Variants in MYBPC2 observed in about 807,000 individuals in gnomAD.
MYBPC2 encodes myosin-binding protein C, fast-type.
A neutral mutation model predicts 137.0 loss-of-function variants in MYBPC2; 122 were observed. That is an observed-to-expected ratio of 0.89 (90% CI 0.77 to 1.03). MYBPC2 has a LOEUF of 1.03. MYBPC2 is among the 50% of genes least tolerant of loss of function. The pLI is 0.00. For missense variants in MYBPC2, 1,500 were observed against 1,534.4 expected (o/e 0.98, Z 0.37); for synonymous variants, 626 against 612.3 (o/e 1.02, Z -0.33).
At chr19:50,458,374 TAAA>T (rs760945453) in intron 20 of MYBPC2, among the ~76,000 whole-genome samples, 2 of 143,972 alleles carry the variant, frequency 1.4e-5, no homozygotes, top group African/African-American at 5.1e-5. Flanking sequence ...AGACTCCGTT[TAAA>T]AAAAAAAAAA....
At chr19:50,458,818 G>A in intron 21 of MYBPC2, 64 bp downstream of exon 21, 1 of 1,599,310 alleles carries the variant, frequency 6.3e-7, no homozygotes, top group Non-Finnish European at 8.5e-7. Context: ...TGCCCTTTCC[G>A]TGTCGTCGAC....
chr19:50,435,637 A>G lies in MYBPC2; in HGVS notation c.110-139A>G. Reference sequence around the variant, plus strand: ...ACAGGTGGCCTTTCCCAGGTCAGGAAAAGCCATTTAACCCCCATGATGTTT... The same window carrying G: ...ACAGGTGGCCTTTCCCAGGTCAGGAGAAGCCATTTAACCCCCATGATGTTT... On this transcript the variant is annotated intron_variant, in intron 2 of 27. Coordinates refer to ENST00000357701, the MANE Select transcript of MYBPC2 (RefSeq NM_004533.4). This position sits in a 1 kb window ranked among gnomAD's most constrained non-coding sequence, Gnocchi z 4.8. The G allele has an allele frequency of 1.3e-6, 1 of 743,164 alleles. No individual in the cohort carries two copies. The allele number at this position is 743,164 out of a possible 1,614,324, so 46.0% of individuals were successfully genotyped here.
chr19:50,446,034 G>T lies in MYBPC2; in HGVS notation c.1288G>T (p.Ala430Ser). ...QVITNGGQCE[A>S]ELIVEEKQLE... is the part of the protein sequence containing the mutation. ...CATAACCAATGGCGGCCAGTGTGAG[G>T]CCGAGCTGATTGTGGAAGGTATGGG... The change falls in exon 12 of 28, where the codon GCC becomes TCC. Residue 430 changes from alanine to serine, a missense_variant. By Grantham distance (99) the Ala-to-Ser change is moderately conservative. Coordinates refer to ENST00000357701, the MANE Select transcript of MYBPC2 (RefSeq NM_004533.4). The T allele has an allele frequency of 6.2e-7, 1 of 1,613,098 alleles. No homozygotes were observed. Among genetic ancestry groups the T allele is most frequent in the Non-Finnish European group, 8.5e-7 (1 of 1,179,574 alleles).
rs570937412 is a variant in MYBPC2, at chr19:50,438,781, G to A, written c.572+1063G>A. On this transcript the variant is annotated intron_variant, in intron 7 of 27. Coordinates refer to ENST00000357701, the MANE Select transcript of MYBPC2 (RefSeq NM_004533.4). ...CTTAGGAGGCTGAGGGAGGAGGATC[G>A]TTTGAGCCCAGGAGATCAAGGCTGC... Among the ~76,000 whole-genome samples, 5 of 152,082 alleles carry A rather than the reference G, an allele frequency of 3.3e-5. No homozygotes were observed. The South Asian group carries it at 6.2e-4, about 19-fold the overall frequency.
At chr19:50,446,688 CGT>C (rs2039808770) in intron 12 of MYBPC2, among the ~76,000 whole-genome samples, 1 of 150,868 alleles carries the variant, frequency 6.6e-6, no homozygotes, top group Non-Finnish European at 1.5e-5. Flanking sequence ...GGTGTGGTGG[CGT>C]GCACCTGTAA....
Position 50,460,126 on chromosome 19 carries a change from G to A in MYBPC2, c.2878G>A (p.Gly960Arg), listed in dbSNP as rs1262176494. The change falls in exon 24 of 28, where the codon GGG (glycine) becomes AGG (arginine). Residue 960 changes from glycine (G) to arginine (R), a missense_variant. Physicochemically the swap from Gly to Arg is moderately radical, Grantham distance 125. Coordinates refer to ENST00000357701, the MANE Select transcript of MYBPC2 (RefSeq NM_004533.4). ...GGAGTGGCAGGCCCCCAAAGATGAT[G>A]GGAACAGTGAGATCATGGGGTATTT... ...LVEWQAPKDD[G>R]NSEIMGYFVQ... 6.3e-7 allele frequency: 1 copy of A among 1,579,042 alleles called. No homozygotes were observed. Among genetic ancestry groups the A allele is most frequent in the Non-Finnish European group, 8.6e-7 (1 of 1,164,204 alleles).
chr19:50,435,391 T>C lies in MYBPC2; in HGVS notation c.109+141T>C. The C allele has an allele frequency of 1.5e-6, 1 of 645,678 alleles. No individual in the cohort carries two copies. Among genetic ancestry groups the C allele is most frequent in the East Asian group, 2.8e-5 (1 of 35,520 alleles). 40.0% of individuals were successfully genotyped at this position (645,678 alleles called of 1,614,324 possible). On this transcript the variant is annotated intron_variant, in intron 2 of 27. Transcript: ENST00000357701. This position sits in a 1 kb window ranked among gnomAD's most constrained non-coding sequence, Gnocchi z 4.8. ...CAGGGCTGACCCACGCCTCCCGTGC[T>C]CCCAGCCCTCCCGGGGCTCCCTGGC...
rs2039895264 is a variant in MYBPC2 at position 50,455,031 on chromosome 19, G to A, written c.2015-77G>A. ...GCCCTGGCCATGCGATCCTCTGGAT[G>A]TGGCCCTCACTCCCCCAGCTGACTC... On this transcript the variant is annotated intron_variant, in intron 18 of 27. Transcript: ENST00000357701. 2.2e-6 allele frequency: 3 copies of A among 1,377,444 alleles called. No individual in the cohort carries two copies. In the African/African-American group the frequency reaches 4.3e-5, roughly 20 times the overall value. The allele number at this position is 1,377,444 out of a possible 1,614,324, so 85.3% of individuals were successfully genotyped here.
intron 12 of MYBPC2, 61 bp downstream of exon 12, chr19:50,446,113 G>A: frequency 6.5e-7 from 1 of 1,543,136 alleles, no homozygotes; most frequent in East Asian, 2.4e-5. Context: ...ACAGCTTGAG[G>A]TTGCTCAGGC....
chr19:50,456,050 TTCCA>T (rs902541368), intron 20 of MYBPC2, among the ~76,000 whole-genome samples: 29 of 146,544 alleles, frequency 2.0e-4, no homozygotes, highest in Admixed American at 3.4e-4. Flanking sequence ...CCATCCATAT[TTCCA>T]TCCATCCATC....
intron 20 of MYBPC2, among the ~76,000 whole-genome samples, chr19:50,457,079 T>A (rs990062221): frequency 2.6e-5 from 4 of 152,206 alleles, no homozygotes; most frequent in Non-Finnish European, 5.9e-5. Flanking sequence ...TCTAACTGTG[T>A]GTCCTTGGGC....
intron 22 of MYBPC2, 47 bp from the exon 23 acceptor site, chr19:50,459,064 C>A (rs779392143): frequency 2.6e-6 from 4 of 1,559,152 alleles, no homozygotes; most frequent in African/African-American, 1.4e-5. Context: ...CCCCTTTTTG[C>A]GGGTGGAGCC....
intron 12 of MYBPC2, among the ~76,000 whole-genome samples, chr19:50,446,427 T>C (rs1487261391): frequency 6.2e-5 from 9 of 146,248 alleles, no homozygotes; most frequent in Middle Eastern, 3.9e-3. Context: ...GCAGGAGAAT[T>C]GCTTGAACCC....
chr19:50,436,528 T>G, intron 4 of MYBPC2, 89 bp from the exon 5 acceptor site: 175 of 1,171,746 alleles, frequency 1.5e-4, no homozygotes, highest in Non-Finnish European at 2.0e-4. Flanking sequence ...GGTGAGGACG[T>G]GGAGATAGAG....
intron 16 of MYBPC2, among the ~76,000 whole-genome samples, chr19:50,452,914 C>G (rs896736434): frequency 1.3e-5 from 2 of 151,922 alleles, no homozygotes; most frequent in African/African-American, 4.8e-5. Flanking sequence ...TTGCATGTCC[C>G]AGGCCCTGGG....
intron 20 of MYBPC2, among the ~76,000 whole-genome samples, chr19:50,457,088 G>A (rs921120154): frequency 3.3e-5 from 5 of 152,168 alleles, no homozygotes; most frequent in Admixed American, 2.0e-4. Context: ...GTGTCCTTGG[G>A]CAAGTCTCTG....
chr19:50,434,191 C>T (rs1177713141), intron 1 of MYBPC2, among the ~76,000 whole-genome samples: 1 of 152,170 alleles, frequency 6.6e-6, no homozygotes, highest in Non-Finnish European at 1.5e-5. Flanking sequence ...AACCCCGTCA[C>T]TACAAAAAAT....
At chr19:50,445,128 A>T (rs1180175530) in intron 11 of MYBPC2, among the ~76,000 whole-genome samples, 1 of 152,096 alleles carries the variant, frequency 6.6e-6, no homozygotes, top group Non-Finnish European at 1.5e-5. Flanking sequence ...AGGTCAGGGA[A>T]GTCTTCCTGG....
At chr19:50,442,799 CAG>C (rs1174423735) in intron 9 of MYBPC2, among the ~76,000 whole-genome samples, 8 of 151,820 alleles carry the variant, frequency 5.3e-5, no homozygotes, top group African/African-American at 1.9e-4. Context: ...TGTTTTGAGA[CAG>C]AGTTTCGCTC....
Sources: allele counts gnomAD v4.1 joint callset (sites outside exome capture counted in the v4.1 genomes callset), GRCh38; gene constraint gnomAD v4.1.1; non-coding constraint Gnocchi (gnomAD v3.1); transcripts MANE v1.5; gene names NCBI Gene and HGNC (gene_info 2026-07-23, HGNC 2026-07-21).